The following XYLB variants were observed in gnomAD, a reference collection of about 807,000 sequenced individuals.
XYLB encodes the protein xylulose kinase.
XYLB carries 62 observed loss-of-function variants against 78.7 expected under a neutral mutation model. The ratio of observed to expected loss-of-function variants is 0.79; its 90% CI spans 0.64 to 0.97. The LOEUF (loss-of-function observed/expected upper bound fraction) is 0.97. Among genes scored for constraint, XYLB ranks in the 50% least tolerant of loss-of-function variants. XYLB has a pLI of 0.00. For missense variants in XYLB, 687 were observed against 676.8 expected (o/e 1.02, Z -0.17); for synonymous variants, 245 against 247.4 (o/e 0.99, Z 0.09).
chr3:38,411,647 T>A (rs1315240958), intron 18 of XYLB, among the ~76,000 whole-genome samples: 20 of 142,094 alleles, frequency 1.4e-4, no homozygotes, highest in African/African-American at 2.1e-4. Flanking sequence ...ATAAAGGATT[T>A]AAAAAAAAAA....
downstream of XYLB, among the ~76,000 whole-genome samples, chr3:38,416,921 C>G (rs1708814084): frequency 6.6e-6 from 1 of 152,142 alleles, no homozygotes; most frequent in Non-Finnish European, 1.5e-5. Flanking sequence ...CGTTGTGTTA[C>G]TTCTGCCTTG....
intron 18 of XYLB, among the ~76,000 whole-genome samples, chr3:38,402,507 A>G (rs1251191304): frequency 1.3e-5 from 2 of 152,148 alleles, no homozygotes; most frequent in Non-Finnish European, 2.9e-5. Flanking sequence ...GTGAGAGGCT[A>G]TTTTTCTCTC....
chr3:38,371,713 C>T (rs895140023), intron 9 of XYLB, among the ~76,000 whole-genome samples: 9 of 152,292 alleles, frequency 5.9e-5, no homozygotes, highest in Middle Eastern at 6.8e-3. Flanking sequence ...TTCACACTGA[C>T]ATGCTGAAAA....
rs1706848714 is a variant in XYLB, at chr3:38,376,236, G to A, written c.1120+4G>A. 3 of 1,601,616 alleles carry A rather than the reference G, an allele frequency of 1.9e-6. No individual in the cohort carries two copies. The highest frequency in any genetic ancestry group is 1.1e-5 in the South Asian group (1 of 90,804). ...ATGGGCAACGGTGGAAACCTGGGTA[G>A]GCCAGTTGGTGGTGCCCAGGCCTGT... On this transcript the variant is annotated splice_donor_region_variant and intron_variant, in intron 13 of 18. Coordinates refer to ENST00000207870, the MANE Select transcript of XYLB (RefSeq NM_005108.4).
the XYLB span, among the ~76,000 whole-genome samples, chr3:38,440,982 T>TC: frequency 6.6e-6 from 1 of 151,858 alleles, no homozygotes; most frequent in Admixed American, 6.6e-5. Flanking sequence ...TTTCCGTCTT[T>TC]CCCCCTCTCT....
the XYLB span, among the ~76,000 whole-genome samples, chr3:38,450,061 G>GT: frequency 6.6e-6 from 1 of 152,142 alleles, no homozygotes; most frequent in South Asian, 2.1e-4. Flanking sequence ...TGGGGGAACT[G>GT]TATTACCAAA....
At position 38,377,068 on chromosome 3, in the gene XYLB, T is replaced by G. The variant is rs953704175; in HGVS notation, c.1194+77T>G. 5.3e-6 allele frequency: 7 copies of G among 1,326,060 alleles called. No individual in the cohort carries two copies. The South Asian group carries it at 6.1e-5, about 12-fold the overall frequency. 82.1% of individuals were successfully genotyped at this position (1,326,060 alleles called of 1,614,324 possible). On this transcript the variant is annotated intron_variant, in intron 14 of 18. Coordinates refer to ENST00000207870, the MANE Select transcript of XYLB (RefSeq NM_005108.4). ...AATTTAACAATTGCCTATCAAATTA[T>G]GTTACTTTTAGGGACTTCATTCATT...
At chr3:38,371,366 TG>T (rs1706549743) in intron 9 of XYLB, among the ~76,000 whole-genome samples, 1 of 151,914 alleles carries the variant, frequency 6.6e-6, no homozygotes, top group South Asian at 2.1e-4. Flanking sequence ...CTCCGCCTCC[TG>T]GGTTCACGCC....
chr3:38,443,682 C>T, the XYLB span, among the ~76,000 whole-genome samples: 1 of 152,172 alleles, frequency 6.6e-6, no homozygotes, highest in Non-Finnish European at 1.5e-5. Flanking sequence ...TCTTTTGGAG[C>T]TTTCTCCTGA....
intron 18 of XYLB, among the ~76,000 whole-genome samples, chr3:38,405,207 T>C (rs1361629042): frequency 6.6e-6 from 1 of 152,096 alleles, no homozygotes; most frequent in African/African-American, 2.4e-5. Flanking sequence ...TTCTTAAAAA[T>C]GTATGTGCAT....
At position 38,376,372 on chromosome 3, in the gene XYLB, C is replaced by G. The variant is rs931464333; in HGVS notation, c.1120+140C>G. ...AGTCCTGTCTGTCTGCACTTATATT[C>G]CACACATCCTACAAGCTGGTGTGGA... On this transcript the variant is annotated intron_variant, in intron 13 of 18. Coordinates refer to ENST00000207870, the MANE Select transcript of XYLB (RefSeq NM_005108.4). 1.1e-5 allele frequency: 7 copies of G among 656,152 alleles called. No homozygotes were observed. In the African/African-American group the frequency reaches 1.1e-4, roughly 10 times the overall value. The allele number at this position is 656,152 out of a possible 1,614,324, so 40.6% of individuals were successfully genotyped here.
intron 8 of XYLB, 113 bp from the exon 9 acceptor site, chr3:38,369,943 A>C (rs1316532811): frequency 2.3e-6 from 2 of 884,160 alleles, no homozygotes; most frequent in Non-Finnish European, 3.8e-6. Context: ...ATGAAGAAAG[A>C]GCTCCAGGTA....
chr3:38,441,666 A>G, the XYLB span, among the ~76,000 whole-genome samples: 1 of 152,138 alleles, frequency 6.6e-6, no homozygotes, highest in African/African-American at 2.4e-5. Flanking sequence ...TGTGGCACCT[A>G]GTATGCCATT....
intron 17 of XYLB, among the ~76,000 whole-genome samples, chr3:38,397,362 A>G (rs1400742041): frequency 6.6e-6 from 1 of 152,180 alleles, no homozygotes; most frequent in Non-Finnish European, 1.5e-5. Context: ...AAAGTGGAGA[A>G]AAAGAGGCTG....
chr3:38,348,404 T>A, intron 1 of XYLB, 146 bp from the exon 2 acceptor site: 2 of 665,592 alleles, frequency 3.0e-6, no homozygotes, highest in Non-Finnish European at 5.2e-6. Flanking sequence ...TTACCACGAT[T>A]ACGGTGAGGC....
At position 38,371,399 on chromosome 3, in the gene XYLB, G is replaced by A. The variant is rs578004844; in HGVS notation, c.765+1225G>A. Among the ~76,000 whole-genome samples the A allele has an allele frequency of 1.6e-4, 24 of 151,944 alleles. 1 individual carries two copies. Among genetic ancestry groups the A allele is most frequent in the Admixed American group, 1.1e-3 (17 of 15,264 alleles). ...CGCCATTCTCCTGCCTCAGCCTCCCGAGTAGCTGGGACTATAGGTGCCCGC... is the reference window on the plus strand; with the variant it reads ...CGCCATTCTCCTGCCTCAGCCTCCCAAGTAGCTGGGACTATAGGTGCCCGC... On this transcript the variant is annotated intron_variant, in intron 9 of 18. Coordinates refer to ENST00000207870, the MANE Select transcript of XYLB (RefSeq NM_005108.4).
the XYLB span, among the ~76,000 whole-genome samples, chr3:38,440,986 CCTCT>C: frequency 6.6e-6 from 1 of 151,188 alleles, no homozygotes; most frequent in African/African-American, 2.4e-5. Context: ...CGTCTTTCCC[CCTCT>C]CTCTCTCTTT....
chr3:38,361,555 C>T (rs1007062677), intron 3 of XYLB, among the ~76,000 whole-genome samples: 1 of 152,080 alleles, frequency 6.6e-6, no homozygotes, highest in African/African-American at 2.4e-5. Flanking sequence ...GACCAAGGGG[C>T]AGAGTGGGAG....
At chr3:38,405,189 A>G (rs1320891399) in intron 18 of XYLB, among the ~76,000 whole-genome samples, 1 of 152,134 alleles carries the variant, frequency 6.6e-6, no homozygotes, top group Non-Finnish European at 1.5e-5. Context: ...TACAAAATAA[A>G]TATTTCATTC....
Sources: gnomAD v4.1 joint callset for allele counts (sites outside exome capture counted in the v4.1 genomes callset) on GRCh38, gnomAD v4.1.1 for gene constraint, MANE v1.5 for transcripts, NCBI Gene and HGNC (gene_info 2026-07-23, HGNC 2026-07-21) for gene names.